MAGEC3: variants seen among roughly 807,000 people sequenced by gnomAD.
MAGEC3 encodes the protein melanoma-associated antigen C3.
In MAGEC3, 34 loss-of-function variants were observed where a neutral mutation model predicts 35.3. The observed-to-expected ratio is 0.96, with a 90% CI of 0.73 to 1.28. MAGEC3 has a LOEUF of 1.28. Ranked by LOEUF, MAGEC3 falls within the 50% of genes most tolerant of loss-of-function variation. The pLI is 0.00. For synonymous variants in MAGEC3, 202 were observed against 185.6 expected (o/e 1.09, Z -0.72); for missense variants, 561 against 483.6 (o/e 1.16, Z -1.50).
intron 2 of MAGEC3, among the ~76,000 whole-genome samples, chrX:141,866,844 G>A (rs2017852307): frequency 8.9e-6 from 1 of 111,809 alleles, no homozygotes; most frequent in Admixed American, 9.5e-5. Flanking sequence ...TACTACTTCT[G>A]TACATTTAAC....
intron 4 of MAGEC3, chrX:141,894,618 G>A: frequency 1.0e-6 from 1 of 958,351 alleles, no homozygotes; most frequent in Non-Finnish European, 1.3e-6. Flanking sequence ...GAAGACTGAG[G>A]GGCCTTCCCA....
chrX:141,890,110 G>A (rs2018030313), intron 4 of MAGEC3, among the ~76,000 whole-genome samples: 1 of 111,648 alleles, frequency 9.0e-6, no homozygotes, highest in Non-Finnish European at 1.9e-5. Context: ...ATGAAGGAGA[G>A]TTGTATTAAC....
At position 141,895,345 on chromosome X, in the gene MAGEC3, T is replaced by G; in HGVS notation, c.986T>G (p.Phe329Cys). ...TGGGAGTCTGAAGGACCTGAAGCATTTTGCGAGGAGTCTGGACTCAGGTCA... is the reference window on the plus strand; with the variant it reads ...TGGGAGTCTGAAGGACCTGAAGCATGTTGCGAGGAGTCTGGACTCAGGTCA... ...ALWESEGPEA[F>C]CEESGLRSAE... is the part of the protein sequence containing the mutation. The change falls in exon 5 of 8, where the codon TTT becomes TGT. Residue 329 changes from phenylalanine to cysteine, a missense_variant. Phe to Cys is a radical substitution (Grantham distance 205). Transcript: ENST00000298296. The G allele has an allele frequency of 8.3e-7, 1 of 1,210,335 alleles. No individual in the cohort carries two copies. Among genetic ancestry groups the G allele is most frequent in the Non-Finnish European group, 1.1e-6 (1 of 895,030 alleles).
chrX:141,859,965 C>A (rs2017805308), intron 1 of MAGEC3, among the ~76,000 whole-genome samples: 1 of 112,058 alleles, frequency 8.9e-6, no homozygotes, highest in African/African-American at 3.2e-5. Flanking sequence ...TCCCTCCTAC[C>A]ACTTAGTTTT....
At chrX:141,890,657 A>G (rs746693671) in intron 4 of MAGEC3, among the ~76,000 whole-genome samples, 5 of 112,397 alleles carry the variant, frequency 4.4e-5, no homozygotes, top group Non-Finnish European at 7.5e-5. Context: ...GAAAAAGTTG[A>G]AATATTTCAA....
chrX:141,856,422 C>T (rs1301019257), intron 1 of MAGEC3, among the ~76,000 whole-genome samples: 2 of 111,358 alleles, frequency 1.8e-5, no homozygotes, highest in African/African-American at 6.5e-5. Context: ...ATTCTGGATC[C>T]ACTGAATGCT....
chrX:141,886,071 G>A (rs1201777326), intron 4 of MAGEC3, among the ~76,000 whole-genome samples: 1 of 111,005 alleles, frequency 9.0e-6, no homozygotes, highest in African/African-American at 3.3e-5. Flanking sequence ...GGCAGCACTC[G>A]ACCATCAAAG....
At chrX:141,880,797 G>A (rs747570573) in intron 3 of MAGEC3, 28 of 1,041,478 alleles carry the variant, frequency 2.7e-5, no homozygotes, top group Non-Finnish European at 3.4e-5. Context: ...CAGGTGACCC[G>A]TGAGGCCCTA....
At chrX:141,888,647 C>G (rs1242768150) in intron 4 of MAGEC3, among the ~76,000 whole-genome samples, 1 of 111,888 alleles carries the variant, frequency 8.9e-6, no homozygotes. Context: ...CCTCTTTCCC[C>G]AGCCATCCCT....
Position 141,838,447 on chromosome X carries a change from G to A in MAGEC3, c.123+9G>A, listed in dbSNP as rs752748624. 3.3e-6 allele frequency: 4 copies of A among 1,204,115 alleles called. No individual in the cohort carries two copies. Among genetic ancestry groups the A allele is most frequent in the Middle Eastern group, 4.7e-4 (2 of 4,284 alleles). On this transcript the variant is annotated intron_variant, in intron 1 of 7. Coordinates refer to ENST00000298296, the MANE Select transcript of MAGEC3 (RefSeq NM_138702.1). ...TCCCACCTCAGCCCCAGGTGTGGTA[G>A]CCCATGAATGCTCATGTCTAAGCCC...
intron 1 of MAGEC3, among the ~76,000 whole-genome samples, chrX:141,851,996 A>G (rs1455098479): frequency 9.1e-6 from 1 of 110,401 alleles, no homozygotes; most frequent in Non-Finnish European, 1.9e-5. Context: ...GAATTTTGGT[A>G]GGGCTTGCAT....
At chrX:141,896,374 G>A (rs1397388544) in intron 6 of MAGEC3, 8 of 966,305 alleles carry the variant, frequency 8.3e-6, no homozygotes, top group Admixed American at 4.0e-5. Flanking sequence ...CATTCCTGGT[G>A]CCTCAGGCTC....
At chrX:141,843,863 G>T (rs2017700577) in intron 1 of MAGEC3, among the ~76,000 whole-genome samples, 1 of 110,721 alleles carries the variant, frequency 9.0e-6, no homozygotes, top group South Asian at 3.8e-4. Flanking sequence ...GAAGTCTTAA[G>T]AAATATAATA....
intron 4 of MAGEC3, among the ~76,000 whole-genome samples, chrX:141,893,674 GTC>G (rs1556436904): frequency 1.2e-3 from 115 of 96,757 alleles, no homozygotes; most frequent in African/African-American, 4.3e-3. Context: ...GTGTGTGTGT[GTC>G]TGTGTGCGTG....
chrX:141,841,643 G>T (rs2017686409), intron 1 of MAGEC3, among the ~76,000 whole-genome samples: 1 of 111,961 alleles, frequency 8.9e-6, no homozygotes, highest in African/African-American at 3.2e-5. Flanking sequence ...AGACTTAGTA[G>T]ACACATATTA....
chrX:141,878,499 C>T (rs1447529273), intron 2 of MAGEC3, among the ~76,000 whole-genome samples: 1 of 112,719 alleles, frequency 8.9e-6, no homozygotes, highest in Non-Finnish European at 1.9e-5. Flanking sequence ...TCCAGCTCCA[C>T]TGCTGCTGTC....
At position 141,896,951 on chromosome X, in the gene MAGEC3, G is replaced by C. The variant is rs1395481887; in HGVS notation, c.1193G>C (p.Gly398Ala). ...AGTCCTCCTGAGATTCCTCCCCAGG[G>C]TCCTCCCAAGATCTCTCCCCAGGGT... ...PQSPPEIPPQGPPKISPQGPP... is the reference protein window; with the variant it reads ...PQSPPEIPPQAPPKISPQGPP... Residue 398 changes from glycine to alanine, a missense_variant, in exon 7 of 8, where the codon GGT becomes GCT. Transcript: ENST00000298296. 4.2e-6 allele frequency: 5 copies of C among 1,188,887 alleles called. No homozygotes were observed. The African/African-American group carries it at 7.0e-5, about 17-fold the overall frequency.
At position 141,861,136 on chromosome X, in the gene MAGEC3, A is replaced by G. The variant is rs374975710; in HGVS notation, c.124-4335A>G. On this transcript the variant is annotated intron_variant, in intron 1 of 7. Coordinates refer to ENST00000298296, the MANE Select transcript of MAGEC3 (RefSeq NM_138702.1). ...CCTTGGATAGATATGATGAGCAAAG[A>G]TGTCTATTGATTTTGGTATGTCTAA... is the stretch of plus-strand genomic sequence containing the variant. Among the ~76,000 whole-genome samples the G allele has an allele frequency of 5.4e-5, 6 of 111,244 alleles. No individual in the cohort carries two copies. In the East Asian group the frequency reaches 8.5e-4, roughly 16 times the overall value.
At chrX:141,858,657 T>C (rs936963194) in intron 1 of MAGEC3, among the ~76,000 whole-genome samples, 4 of 110,853 alleles carry the variant, frequency 3.6e-5, no homozygotes, top group Non-Finnish European at 7.6e-5. Flanking sequence ...AACCCAAATA[T>C]GTGTGTATGT....
Sources: allele counts gnomAD v4.1 joint callset (sites outside exome capture counted in the v4.1 genomes callset), GRCh38; gene constraint gnomAD v4.1.1; transcripts MANE v1.5; gene names NCBI Gene and HGNC (gene_info 2026-07-23, HGNC 2026-07-21).